LINGO1: variants seen among roughly 807,000 people sequenced by gnomAD.
LINGO1 encodes the protein leucine rich repeat and Ig domain containing 1.
A neutral mutation model predicts 37.3 loss-of-function variants in LINGO1; 11 were observed. That is an observed-to-expected ratio of 0.29 (90% CI 0.19 to 0.49). The LOEUF is 0.49. Among genes scored for constraint, LINGO1 ranks in the 20% least tolerant of loss-of-function variants. The probability of loss-of-function intolerance (pLI) is 0.99; values close to 1 mark genes in which losing one functional copy is unlikely to be tolerated. For synonymous variants in LINGO1, 387 were observed against 403.0 expected, an observed-to-expected ratio of 0.96 and a Z score of 0.48; for missense variants, 585 against 878.2, an observed-to-expected ratio of 0.67 and a Z score of 4.22.
intron 3 of LINGO1, chr15:77,652,008 T>C (rs2074767401): frequency 6.6e-6 from 1 of 152,196 alleles, no homozygotes; most frequent in Non-Finnish European, 1.5e-5. Flanking sequence ...AAATCCAGAA[T>C]CTACATCCCA....
At chr15:77,631,970 G>A (rs2074267613) in intron 1 of LINGO1, among the ~76,000 whole-genome samples, 1 of 152,090 alleles carries the variant, frequency 6.6e-6, no homozygotes, top group African/African-American at 2.4e-5. Flanking sequence ...GGCTGAGCAG[G>A]GGGCTTACCC....
chr15:77,650,191 C>T (rs992343396), intron 3 of LINGO1, among the ~76,000 whole-genome samples: 4 of 152,086 alleles, frequency 2.6e-5, no homozygotes, highest in Admixed American at 2.0e-4. Flanking sequence ...ATGTTTACGG[C>T]GTGGTGTGTA....
intron 1 of LINGO1, among the ~76,000 whole-genome samples, chr15:77,764,007 C>T (rs755571425): frequency 3.9e-5 from 6 of 152,202 alleles, no homozygotes; most frequent in South Asian, 2.1e-4. Context: ...GTGACCATGG[C>T]GGGAGGCCTC....
At position 77,614,027 on chromosome 15, in the gene LINGO1, T is replaced by A; in HGVS notation, c.*17A>T. 1 of 1,548,574 alleles carries A rather than the reference T, an allele frequency of 6.5e-7. No individual in the cohort carries two copies. Among genetic ancestry groups the A allele is most frequent in the East Asian group, 2.4e-5 (1 of 41,106 alleles). On this transcript the variant is annotated 3_prime_UTR_variant, in exon 2 of 2. Transcript: ENST00000355300. ...CCCTGCCCGGCCGCCCGGGGGTCCC[T>A]GCCCCCCGCCCCGGCCTCATATCAT...
At chr15:77,624,932 G>A (rs1056897498) in intron 1 of LINGO1, among the ~76,000 whole-genome samples, 1 of 152,112 alleles carries the variant, frequency 6.6e-6, no homozygotes, top group South Asian at 2.1e-4. Flanking sequence ...CCAGGCTCTC[G>A]GGGACAGGAA....
intron 2 of LINGO1, among the ~76,000 whole-genome samples, chr15:77,680,337 A>T (rs1596097974): frequency 6.6e-6 from 1 of 152,230 alleles, no homozygotes; most frequent in African/African-American, 2.4e-5. Context: ...TTCAGAGAGT[A>T]CCGGTTAGTG....
chr15:77,741,591 G>A (rs546705421), intron 1 of LINGO1, among the ~76,000 whole-genome samples: 1 of 152,268 alleles, frequency 6.6e-6, no homozygotes, highest in African/African-American at 2.4e-5. Context: ...AGGCCCCACA[G>A]ACTATGCTGT....
rs138522204 is a variant in LINGO1, at chr15:77,709,242, G to A, written c.-194-18341C>T. ...TGCAACTATCTGGCCATGGAAAATG[G>A]CCTTAAAATGGGGTGAGCCTCCCAT... On this transcript the variant is annotated intron_variant, in intron 2 of 3. Coordinates refer to the LINGO1 transcript ENST00000561686. Among the ~76,000 whole-genome samples the A allele has an allele frequency of 6.6e-3, 1,011 of 152,292 alleles. 10 individuals carry two copies. The highest frequency in any genetic ancestry group is 0.023 in the African/African-American group (970 of 41,548).
chr15:77,639,856 G>A (rs190667222), intron 3 of LINGO1, among the ~76,000 whole-genome samples: 200 of 152,322 alleles, frequency 1.3e-3, no homozygotes, highest in African/African-American at 4.5e-3. Context: ...GTCACCTCTA[G>A]GGAGAGAGAA....
At chr15:77,676,588 C>G (rs995950041) in intron 3 of LINGO1, among the ~76,000 whole-genome samples, 1 of 152,170 alleles carries the variant, frequency 6.6e-6, no homozygotes, top group Non-Finnish European at 1.5e-5. Context: ...CAGGCTCGCT[C>G]CGGGTGCTGA....
chr15:77,681,342 C>G (rs2075410172), intron 2 of LINGO1, among the ~76,000 whole-genome samples: 1 of 151,968 alleles, frequency 6.6e-6, no homozygotes, highest in Non-Finnish European at 1.5e-5. Flanking sequence ...CTCAGATAAG[C>G]TTAAGATAAG....
In LINGO1 at chr15:77,615,567, C is replaced by T. The variant is rs750791294; in HGVS notation, c.340G>A (p.Ala114Thr). Residue 114 changes from alanine to threonine, a missense_variant, in exon 2 of 2, where the codon GCC becomes ACC. Around this residue, in one of 4 missense-constraint regions of LINGO1, gnomAD observed 484 missense variants for 735.0 expected, o/e 0.66. Coordinates refer to ENST00000355300, the MANE Select transcript of LINGO1 (RefSeq NM_032808.7). ...CGGAGGTTGAAGAGGTTGTTGAAGG[C>T]GCCGGGCTCCACGGCGCTCACGATG... ...ENIVSAVEPG[A>T]FNNLFNLRTL... 6.8e-6 allele frequency: 11 copies of T among 1,612,034 alleles called. No homozygotes were observed. Among genetic ancestry groups the T allele is most frequent in the Middle Eastern group, 1.6e-4 (1 of 6,084 alleles).
At chr15:77,709,292 G>A (rs538255637) in intron 2 of LINGO1, among the ~76,000 whole-genome samples, 2 of 152,336 alleles carry the variant, frequency 1.3e-5, no homozygotes, top group African/African-American at 4.8e-5. Flanking sequence ...GAGCAAAGCT[G>A]GAGCATCCCC....
rs2074272556 is a variant in LINGO1 at position 77,632,122 on chromosome 15, G to A, written c.6+188C>T. ...ATTTGTTGGGGTTGGAGAGAGGGGA[G>A]GTGGAAAAGGAAGAATTTTCATTTC... On this transcript the variant is annotated intron_variant, in intron 1 of 1. Coordinates refer to ENST00000355300, the MANE Select transcript of LINGO1 (RefSeq NM_032808.7). The surrounding 1 kb of genome is among the most constrained non-coding windows in gnomAD (Gnocchi z 6.0). 1.3e-5 allele frequency among the ~76,000 whole-genome samples: 2 copies of A among 152,322 alleles called. No individual in the cohort carries two copies. The highest frequency in any genetic ancestry group is 1.9e-4 in the East Asian group (1 of 5,168).
intron 1 of LINGO1, among the ~76,000 whole-genome samples, chr15:77,616,791 A>G (rs1299050011): frequency 6.6e-6 from 1 of 152,162 alleles, no homozygotes; most frequent in Non-Finnish European, 1.5e-5. Context: ...TTCCTCTGGC[A>G]ATGCCCCTTC....
chr15:77,745,682 A>G (rs1437489100), intron 1 of LINGO1, among the ~76,000 whole-genome samples: 1 of 152,152 alleles, frequency 6.6e-6, no homozygotes, highest in Non-Finnish European at 1.5e-5. Context: ...CACCTCATAC[A>G]CAATTGCTCA....
chr15:77,745,608 T>C (rs1345300939), intron 1 of LINGO1, among the ~76,000 whole-genome samples: 1 of 152,054 alleles, frequency 6.6e-6, no homozygotes, highest in Non-Finnish European at 1.5e-5. Flanking sequence ...GCAGGTCTTT[T>C]TCAGGATAAA....
At chr15:77,789,910 C>T (rs760167970), upstream of LINGO1, among the ~76,000 whole-genome samples, 12 of 152,106 alleles carry the variant, frequency 7.9e-5, no homozygotes, top group African/African-American at 2.9e-4. Context: ...TAGCTGGGAC[C>T]ACAGGTGTGT....
At chr15:77,761,962 C>G (rs187670957) in intron 1 of LINGO1, among the ~76,000 whole-genome samples, 1 of 152,198 alleles carries the variant, frequency 6.6e-6, no homozygotes, top group Non-Finnish European at 1.5e-5. Flanking sequence ...TGCAACTCCA[C>G]GCCAGGCCCT....
Sources: allele counts gnomAD v4.1 joint callset (sites outside exome capture counted in the v4.1 genomes callset), GRCh38; gene constraint gnomAD v4.1.1; regional missense constraint gnomAD v4.1.1; non-coding constraint Gnocchi (gnomAD v3.1); transcripts MANE v1.5; gene names NCBI Gene and HGNC (gene_info 2026-07-23, HGNC 2026-07-21).